Variants in HDAC9 observed in about 807,000 individuals in gnomAD.
HDAC9 encodes histone deacetylase 9.
HDAC9 carries 41 observed loss-of-function variants against 139.4 expected under a neutral mutation model. The observed-to-expected ratio is 0.29, with a 90% confidence interval of 0.23 to 0.38. The LOEUF is 0.38. Among genes scored for constraint, HDAC9 ranks in the 10% least tolerant of loss-of-function variants. The pLI is 1.00. For missense variants in HDAC9, 1,147 were observed against 1,297.0 expected, an observed-to-expected ratio of 0.88 and a Z score of 1.78; for synonymous variants, 517 against 476.2, an observed-to-expected ratio of 1.09 and a Z score of -1.12.
At chr7:18,540,467 A>G (rs1360458675) in intron 2 of HDAC9, among the ~76,000 whole-genome samples, 1 of 152,152 alleles carries the variant, frequency 6.6e-6, no homozygotes, top group Non-Finnish European at 1.5e-5. Context: ...GCCAGTAGAC[A>G]AGAACTTGAT....
intron 12 of HDAC9, 142 bp from the exon 13 acceptor site, chr7:18,727,438 T>A: frequency 1.5e-6 from 1 of 671,764 alleles, no homozygotes; most frequent in Non-Finnish European, 2.4e-6. Context: ...TTCTCTCCCT[T>A]TCTCTATTTT....
intron 13 of HDAC9, among the ~76,000 whole-genome samples, chr7:18,742,346 A>G (rs1231507549): frequency 6.6e-6 from 1 of 152,218 alleles, no homozygotes; most frequent in Non-Finnish European, 1.5e-5. Flanking sequence ...AAGACCCTCC[A>G]CAAGCAAAAA....
At chr7:18,334,582 G>A (rs1026309774) in intron 1 of HDAC9, among the ~76,000 whole-genome samples, 30 of 151,354 alleles carry the variant, frequency 2.0e-4, no homozygotes, top group African/African-American at 6.8e-4. Flanking sequence ...CAAAAATCAC[G>A]TAACTTTTCC....
chr7:18,197,340 T>C (rs1323130763), intron 2 of HDAC9, among the ~76,000 whole-genome samples: 1 of 152,120 alleles, frequency 6.6e-6, no homozygotes, highest in East Asian at 1.9e-4. Context: ...GAATTAACAA[T>C]TACTTAGGAA....
At chr7:18,467,507 C>T (rs1794380944) in intron 1 of HDAC9, among the ~76,000 whole-genome samples, 1 of 152,094 alleles carries the variant, frequency 6.6e-6, no homozygotes, top group African/African-American at 2.4e-5. Flanking sequence ...AAAAGCTCTC[C>T]ACAAATCCCA....
intron 11 of HDAC9, among the ~76,000 whole-genome samples, chr7:18,664,128 G>A (rs17433095): frequency 0.09 from 13,707 of 152,142 alleles, 668 homozygotes; most frequent in East Asian, 0.17. Context: ...TCTCAGTAGT[G>A]TCCAAAGTAC....
At chr7:18,689,868 C>G (rs1435610284) in intron 12 of HDAC9, among the ~76,000 whole-genome samples, 5 of 151,882 alleles carry the variant, frequency 3.3e-5, no homozygotes, top group African/African-American at 1.2e-4. Flanking sequence ...CCAAATTGTC[C>G]AAATTTTATT....
chr7:18,802,815 T>A (rs1330673592), intron 17 of HDAC9, among the ~76,000 whole-genome samples: 2 of 151,770 alleles, frequency 1.3e-5, no homozygotes, highest in East Asian at 1.9e-4. Context: ...AACAGCTTTT[T>A]TTCTTTTCTA....
intron 1 of HDAC9, among the ~76,000 whole-genome samples, chr7:18,385,396 G>A (rs1463043887): frequency 6.6e-6 from 1 of 152,066 alleles, no homozygotes; most frequent in African/African-American, 2.4e-5. Context: ...AGTTGCCTTA[G>A]TATGCTAGTG....
chr7:18,998,635 T>G lies in HDAC9; in HGVS notation c.*2573T>G, dbSNP rs1786594385. The G allele has an allele frequency of 6.6e-6, 1 of 152,210 alleles. No homozygotes were observed. Among genetic ancestry groups the G allele is most frequent in the Admixed American group, 6.5e-5 (1 of 15,282 alleles). The allele number at this position is 152,210 out of a possible 1,614,324, so 9.4% of individuals were successfully genotyped here. ...TCTTTTGAAATAGACCAGCACTTTT[T>G]GAAAGGGTAGTTTCACTTGGTATAG... On this transcript the variant is annotated 3_prime_UTR_variant, in exon 26 of 26. Transcript: ENST00000686413.
At chr7:18,204,652 C>T (rs750678731) in intron 2 of HDAC9, among the ~76,000 whole-genome samples, 6 of 151,730 alleles carry the variant, frequency 4.0e-5, no homozygotes, top group East Asian at 1.9e-4. Context: ...AAATAAAATG[C>T]GTGTGTGTTC....
intron 16 of HDAC9, chr7:18,793,027 G>A (rs1416528231): frequency 3.6e-6 from 1 of 277,202 alleles, no homozygotes; most frequent in Non-Finnish European, 7.1e-6. Flanking sequence ...GCCAGATCCG[G>A]CCTATGTAAT....
chr7:18,110,216 G>A (rs1440256363), intron 1 of HDAC9, among the ~76,000 whole-genome samples: 5 of 152,206 alleles, frequency 3.3e-5, no homozygotes, highest in African/African-American at 1.2e-4. Context: ...AAGGAGCTCT[G>A]AATTCCTACT....
At chr7:18,290,389 T>C (rs956953794), upstream of HDAC9, 6 of 443,664 alleles carry the variant, frequency 1.4e-5, no homozygotes, top group South Asian at 7.9e-5. Context: ...AATTAGCAAG[T>C]TGACTAACCA....
chr7:18,983,029 T>C (rs1331062462), intron 25 of HDAC9, among the ~76,000 whole-genome samples: 3 of 152,214 alleles, frequency 2.0e-5, no homozygotes, highest in Non-Finnish European at 2.9e-5. Context: ...TATATGTGTA[T>C]TGTTGTGCAA....
At chr7:18,573,764 A>G (rs1825063759) in intron 2 of HDAC9, among the ~76,000 whole-genome samples, 2 of 152,134 alleles carry the variant, frequency 1.3e-5, no homozygotes, top group South Asian at 2.1e-4. Flanking sequence ...TGCTATGGGC[A>G]TCCGTGTCTG....
At chr7:18,234,774 G>A (rs116831221) in intron 2 of HDAC9, among the ~76,000 whole-genome samples, 1,687 of 152,308 alleles carry the variant, frequency 0.011, 39 homozygotes, top group African/African-American at 0.039. Flanking sequence ...CCCTCCATTT[G>A]AGAAACCACA....
chr7:18,946,565 A>T (rs964915490), intron 23 of HDAC9, among the ~76,000 whole-genome samples: 3 of 152,138 alleles, frequency 2.0e-5, no homozygotes, highest in Non-Finnish European at 4.4e-5. Context: ...GAAAATAGAG[A>T]TCAAAAGAGG....
At chr7:18,512,813 A>T (rs1327816596) in intron 2 of HDAC9, among the ~76,000 whole-genome samples, 1 of 152,190 alleles carries the variant, frequency 6.6e-6, no homozygotes, top group Non-Finnish European at 1.5e-5. Context: ...GATTCCAGAA[A>T]TTCAAATATA....
Sources: allele counts gnomAD v4.1 joint callset (sites outside exome capture counted in the v4.1 genomes callset), GRCh38; gene constraint gnomAD v4.1.1; transcripts MANE v1.5; gene names NCBI Gene and HGNC (gene_info 2026-07-23, HGNC 2026-07-21).